NR5A2: variants seen among roughly 807,000 people sequenced by gnomAD.
NR5A2 encodes the protein nuclear receptor subfamily 5 group A member 2.
A neutral mutation model predicts 62.7 loss-of-function variants in NR5A2; 26 were observed. The observed-to-expected ratio is 0.41, with a 90% CI of 0.30 to 0.58. NR5A2 has a LOEUF of 0.58. Ranked by LOEUF, NR5A2 falls within the 20% of genes least tolerant of loss-of-function variation. NR5A2 has a pLI of 0.22. For synonymous variants in NR5A2, 246 were observed against 241.7 expected (o/e 1.02, Z -0.16); for missense variants, 541 against 669.1 (o/e 0.81, Z 2.11).
intron 1 of NR5A2, among the ~76,000 whole-genome samples, chr1:200,030,030 C>A (rs1373219884): frequency 6.6e-6 from 1 of 152,178 alleles, no homozygotes; most frequent in Non-Finnish European, 1.5e-5. Context: ...GATTGAAGGG[C>A]CTGACCCGAT....
intron 1 of NR5A2, among the ~76,000 whole-genome samples, chr1:200,038,136 C>A (rs1424942629): frequency 6.6e-6 from 1 of 152,102 alleles, no homozygotes; most frequent in African/African-American, 2.4e-5. Flanking sequence ...TTTGAAGATG[C>A]GGCTGGGCTG....
intron 1 of NR5A2, among the ~76,000 whole-genome samples, chr1:200,030,752 GC>G (rs1661518854): frequency 6.6e-6 from 1 of 152,168 alleles, no homozygotes; most frequent in East Asian, 1.9e-4. Context: ...CAAATTAACT[GC>G]ATTTGCAGAA....
At chr1:200,111,045 A>G (rs967700705) in intron 5 of NR5A2, among the ~76,000 whole-genome samples, 157 bp from the exon 6 acceptor site, 1 of 152,216 alleles carries the variant, frequency 6.6e-6, no homozygotes, top group African/African-American at 2.4e-5. Context: ...GAGCAGTGAT[A>G]TGAATTCTGG....
At chr1:200,076,969 G>A (rs923606251) in intron 5 of NR5A2, among the ~76,000 whole-genome samples, 1 of 152,084 alleles carries the variant, frequency 6.6e-6, no homozygotes, top group East Asian at 1.9e-4. Context: ...ATACAACAAA[G>A]CTACTTAAAA....
chr1:200,073,529 A>G (rs949076235), intron 5 of NR5A2, among the ~76,000 whole-genome samples: 3 of 151,822 alleles, frequency 2.0e-5, no homozygotes, highest in Admixed American at 6.6e-5. Context: ...AAGAGAGTAT[A>G]AGTAGTTGTT....
chr1:200,140,928 G>A (rs1458007968), intron 7 of NR5A2, among the ~76,000 whole-genome samples: 1 of 152,198 alleles, frequency 6.6e-6, no homozygotes, highest in East Asian at 1.9e-4. Flanking sequence ...CTACTTGGAA[G>A]GCTGAGGCAG....
At chr1:200,167,244 T>C (rs1272077149) in intron 7 of NR5A2, among the ~76,000 whole-genome samples, 1 of 152,200 alleles carries the variant, frequency 6.6e-6, no homozygotes, top group Non-Finnish European at 1.5e-5. Flanking sequence ...AACATGGCCA[T>C]ACCTAGACTC....
At chr1:200,149,549 C>T (rs1447556772) in intron 7 of NR5A2, among the ~76,000 whole-genome samples, 1 of 152,192 alleles carries the variant, frequency 6.6e-6, no homozygotes, top group African/African-American at 2.4e-5. Flanking sequence ...GTCACATCCA[C>T]GTATTCCCCT....
At chr1:200,111,713 A>G (rs1221369868) in intron 6 of NR5A2, among the ~76,000 whole-genome samples, 1 of 152,210 alleles carries the variant, frequency 6.6e-6, no homozygotes, top group African/African-American at 2.4e-5. Context: ...TTTTGGAAAA[A>G]TATTGGTGAA....
At chr1:200,094,981 T>C (rs748036196) in intron 5 of NR5A2, among the ~76,000 whole-genome samples, 2 of 152,102 alleles carry the variant, frequency 1.3e-5, no homozygotes, top group Non-Finnish European at 2.9e-5. Context: ...ATGTTAAACA[T>C]AACAAGAAGA....
chr1:200,081,141 A>G (rs1274370902), intron 5 of NR5A2, among the ~76,000 whole-genome samples: 1 of 152,196 alleles, frequency 6.6e-6, no homozygotes, highest in Non-Finnish European at 1.5e-5. Flanking sequence ...TGTTGCTTGG[A>G]TAAATGGATA....
rs1282084298 is a variant in NR5A2 at position 200,147,268 on chromosome 1, G to A, written c.1378+26313G>A. Among the ~76,000 whole-genome samples, 7 of 152,200 alleles carry A rather than the reference G, an allele frequency of 4.6e-5. No homozygotes were observed. Among genetic ancestry groups the A allele is most frequent in the Non-Finnish European group, 1.0e-4 (7 of 68,026 alleles). On this transcript the variant is annotated intron_variant, in intron 7 of 7. Coordinates refer to ENST00000367362, the MANE Select transcript of NR5A2 (RefSeq NM_205860.3). The surrounding 1 kb of genome is among the most constrained non-coding windows in gnomAD (Gnocchi z 4.9). ...GTGGTGTCAGGAGACCTTAGCAATGGCCCAGGTTCGCTGGCTGCATCTGCT... is the reference window on the plus strand; with the variant it reads ...GTGGTGTCAGGAGACCTTAGCAATGACCCAGGTTCGCTGGCTGCATCTGCT...
At chr1:200,099,274 T>C (rs1311641571) in intron 5 of NR5A2, among the ~76,000 whole-genome samples, 9 of 152,162 alleles carry the variant, frequency 5.9e-5, no homozygotes, top group Non-Finnish European at 8.8e-5. Flanking sequence ...TTTTCTCCTT[T>C]CTTTGGCCAA....
chr1:200,153,501 C>T (rs939576572), intron 7 of NR5A2, among the ~76,000 whole-genome samples: 2 of 152,138 alleles, frequency 1.3e-5, no homozygotes, highest in African/African-American at 4.8e-5. Context: ...ATATTATGCA[C>T]AGTAGGGGCT....
At position 200,101,760 on chromosome 1, in the gene NR5A2, A is replaced by G. The variant is rs532079616; in HGVS notation, c.1111-9442A>G. On this transcript the variant is annotated intron_variant, in intron 5 of 7. Coordinates refer to ENST00000367362, the MANE Select transcript of NR5A2 (RefSeq NM_205860.3). ...AAAAGTCTACCAGGACTGCGGTGACAAAATTCCTGAGTCCCCAGATATGAT... is the reference window on the plus strand; with the variant it reads ...AAAAGTCTACCAGGACTGCGGTGACGAAATTCCTGAGTCCCCAGATATGAT... Among the ~76,000 whole-genome samples, 3 of 152,362 alleles carry G rather than the reference A, an allele frequency of 2.0e-5. No individual in the cohort carries two copies. The East Asian group carries it at 5.8e-4, about 29-fold the overall frequency.
chr1:200,159,907 C>T (rs1468961830), intron 7 of NR5A2, among the ~76,000 whole-genome samples: 2 of 152,212 alleles, frequency 1.3e-5, no homozygotes, highest in Non-Finnish European at 2.9e-5. Context: ...CCCGCCTCAG[C>T]CTCCCAAAGT....
chr1:200,129,507 C>T lies in NR5A2; in HGVS notation c.1378+8552C>T, dbSNP rs4590707. Among the ~76,000 whole-genome samples, 3,085 of 152,162 alleles carry T rather than the reference C, an allele frequency of 0.02. 211 individuals are homozygous for T. In the East Asian group the frequency reaches 0.25, roughly 12 times the overall value. ...TAAAAGAGGACCCTTCCTTTTTGTCCGATAGGAAGTACTATTCTGAATCTA... is the reference window on the plus strand; with the variant it reads ...TAAAAGAGGACCCTTCCTTTTTGTCTGATAGGAAGTACTATTCTGAATCTA... On this transcript the variant is annotated intron_variant, in intron 7 of 7. Coordinates refer to ENST00000367362, the MANE Select transcript of NR5A2 (RefSeq NM_205860.3).
At position 200,120,883 on chromosome 1, in the gene NR5A2, G is replaced by A. The variant is rs769550871; in HGVS notation, c.1306G>A (p.Ala436Thr). Residue 436 changes from alanine (A) to threonine (T), a missense_variant, in exon 7 of 8, where the codon GCA (alanine) becomes ACA (threonine). This residue lies in a region of NR5A2 where 379 missense variants were observed against 442.0 expected (regional missense o/e 0.86). Transcript: ENST00000367362. ...NLMSHAQELV[A>T]KLRSLQFDQR... ...CATGAGTCATGCACAGGAGTTAGTG[G>A]CAAAACTTCGTTCTCTCCAGTTTGA... 5.0e-6 allele frequency: 8 copies of A among 1,611,820 alleles called. No homozygotes were observed. The highest frequency in any genetic ancestry group is 6.8e-6 in the Non-Finnish European group (8 of 1,179,094).
chr1:200,042,644 C>T (rs1368472487), intron 2 of NR5A2, among the ~76,000 whole-genome samples: 1 of 152,250 alleles, frequency 6.6e-6, no homozygotes, highest in Non-Finnish European at 1.5e-5. Flanking sequence ...GCCTGGTGCG[C>T]CCACGGGTTT....
Sources: gnomAD v4.1 joint callset for allele counts (sites outside exome capture counted in the v4.1 genomes callset) on GRCh38, gnomAD v4.1.1 for gene constraint, gnomAD v4.1.1 regional missense constraint, Gnocchi (gnomAD v3.1) non-coding constraint, MANE v1.5 for transcripts, NCBI Gene and HGNC (gene_info 2026-07-23, HGNC 2026-07-21) for gene names.